Variants in FOXP1 observed in about 807,000 individuals in gnomAD.
FOXP1 encodes forkhead box protein P1.
In FOXP1, 15 loss-of-function variants were observed where a neutral mutation model predicts 98.2. That is an observed-to-expected ratio of 0.15 (90% confidence interval 0.10 to 0.24). FOXP1 has a LOEUF of 0.24. Ranked by LOEUF, FOXP1 falls within the 10% of genes least tolerant of loss-of-function variation. FOXP1 has a pLI of 1.00. For missense variants in FOXP1, 633 were observed against 848.5 expected (o/e 0.75, Z 3.15); for synonymous variants, 371 against 314.5 (o/e 1.18, Z -1.90).
intron 3 of FOXP1, among the ~76,000 whole-genome samples, chr3:71,383,735 C>A (rs2080356200): frequency 6.6e-6 from 1 of 152,112 alleles, no homozygotes; most frequent in Non-Finnish European, 1.5e-5. Flanking sequence ...ACCAGGCCCC[C>A]TTGAACCTGG....
At chr3:71,095,140 A>C (rs1210410757) in intron 7 of FOXP1, among the ~76,000 whole-genome samples, 1 of 152,210 alleles carries the variant, frequency 6.6e-6, no homozygotes, top group African/African-American at 2.4e-5. Context: ...ATCTGTGTAC[A>C]TTTTCAAAAT....
At chr3:70,986,669 G>A (rs1428649142) in intron 14 of FOXP1, among the ~76,000 whole-genome samples, 1 of 152,194 alleles carries the variant, frequency 6.6e-6, no homozygotes, top group South Asian at 2.1e-4. Flanking sequence ...GACTACTGAT[G>A]CCACAACAGT....
At chr3:71,047,163 C>G (rs915458955) in intron 9 of FOXP1, 68 bp from the exon 10 acceptor site, 2 of 1,544,642 alleles carry the variant, frequency 1.3e-6, no homozygotes, top group South Asian at 1.1e-5. Context: ...ATGGACACTT[C>G]AAAACTCACC....
At chr3:71,118,612 T>A (rs1216144603) in intron 6 of FOXP1, among the ~76,000 whole-genome samples, 2 of 152,200 alleles carry the variant, frequency 1.3e-5, no homozygotes, top group Non-Finnish European at 2.9e-5. Context: ...AAAATATGAC[T>A]AACTGGAAAG....
In FOXP1 at chr3:71,507,609, G is replaced by A. The variant is rs138250674; in HGVS notation, c.-297-14054C>T. On this transcript the variant is annotated intron_variant, in intron 2 of 20. Coordinates refer to ENST00000649528, the MANE Select transcript of FOXP1 (RefSeq NM_001349338.3). ...TTTTTTTTTTTTGAGATGGAGTCTC[G>A]CTCTGTCACCGAGGCTGGAGTGCAG... 8.3e-3 allele frequency among the ~76,000 whole-genome samples: 1,249 copies of A among 150,582 alleles called. 11 individuals carry two copies. Among genetic ancestry groups the A allele is most frequent in the Middle Eastern group, 0.017 (5 of 292 alleles).
At chr3:71,273,506 C>A (rs2070592347) in intron 5 of FOXP1, among the ~76,000 whole-genome samples, 1 of 152,206 alleles carries the variant, frequency 6.6e-6, no homozygotes, top group Admixed American at 6.5e-5. Context: ...TTTTCTAGCA[C>A]AAAAGTTGGC....
Position 71,053,760 on chromosome 3 carries a change from A to T in FOXP1, c.296T>A (p.Val99Glu). Residue 99 changes from valine (V) to glutamate (E), a missense_variant, in exon 8 of 21, where the codon GTG becomes GAG. Around this residue, in one of 6 missense-constraint regions of FOXP1, gnomAD observed 210 missense variants for 270.6 expected, o/e 0.78. Coordinates refer to ENST00000649528, the MANE Select transcript of FOXP1 (RefSeq NM_001349338.3). ...KQPALQVPVSVAMMTPQVITP... is the reference protein window; with the variant it reads ...KQPALQVPVSEAMMTPQVITP... ...GATAACTTGAGGTGTCATCATAGCC[A>T]CTGACACGGGAACCTAGAATGTTAA... 6.2e-7 allele frequency: 1 copy of T among 1,614,092 alleles called. No individual in the cohort carries two copies. Among genetic ancestry groups the T allele is most frequent in the Non-Finnish European group, 8.5e-7 (1 of 1,179,978 alleles).
chr3:71,113,862 T>C (rs1575774749), intron 6 of FOXP1, among the ~76,000 whole-genome samples: 1 of 152,232 alleles, frequency 6.6e-6, no homozygotes, highest in South Asian at 2.1e-4. Flanking sequence ...GCCACACACC[T>C]TTCCAAAGAT....
intron 5 of FOXP1, among the ~76,000 whole-genome samples, chr3:71,207,809 G>A (rs543795042): frequency 6.6e-6 from 1 of 152,262 alleles, no homozygotes; most frequent in African/African-American, 2.4e-5. Context: ...CAAAGGCCAG[G>A]CTAATGTTCA....
chr3:71,583,525 G>A (rs1349425565), intron 1 of FOXP1, 46 bp downstream of exon 1: 3 of 983,680 alleles, frequency 3.0e-6, no homozygotes, highest in Admixed American at 6.2e-5. Flanking sequence ...AAGACAGGAG[G>A]CGGCTTGGGA....
intron 5 of FOXP1, among the ~76,000 whole-genome samples, chr3:71,231,018 C>T (rs2066243757): frequency 6.6e-6 from 1 of 152,158 alleles, no homozygotes; most frequent in African/African-American, 2.4e-5. Flanking sequence ...TTTCCCTCCG[C>T]TCTTTAATCA....
chr3:71,173,182 G>A (rs896876126), intron 6 of FOXP1, among the ~76,000 whole-genome samples: 2 of 151,884 alleles, frequency 1.3e-5, no homozygotes, highest in African/African-American at 2.4e-5. Flanking sequence ...TATTGCCTAA[G>A]AAAATGAGTC....
At chr3:71,556,576 C>CAAAAAAAATCAA (rs2046152532) in intron 2 of FOXP1, among the ~76,000 whole-genome samples, 1 of 29,818 alleles carries the variant, frequency 3.4e-5, no homozygotes, top group African/African-American at 1.3e-4. Flanking sequence ...GACTCCGTCT[C>CAAAAAAAATCAA]AAAAAAAAAA....
At chr3:71,392,316 C>T (rs2081093965) in intron 3 of FOXP1, among the ~76,000 whole-genome samples, 1 of 152,156 alleles carries the variant, frequency 6.6e-6, no homozygotes, top group African/African-American at 2.4e-5. Context: ...TTATACTCAG[C>T]ACTGGAAGAG....
intron 7 of FOXP1, among the ~76,000 whole-genome samples, chr3:71,057,749 T>A (rs1440101611): frequency 6.6e-6 from 1 of 152,148 alleles, no homozygotes; most frequent in East Asian, 1.9e-4. Context: ...ACACACGGCA[T>A]GATACACTGT....
chr3:71,370,842 C>T (rs2079257755), intron 3 of FOXP1, among the ~76,000 whole-genome samples: 1 of 143,230 alleles, frequency 7.0e-6, no homozygotes, highest in Non-Finnish European at 1.5e-5. Flanking sequence ...TGCTCTGTGG[C>T]CCAGGATGGA....
chr3:71,080,133 A>ACAGAC (rs1302987751), intron 7 of FOXP1, among the ~76,000 whole-genome samples: 1 of 152,212 alleles, frequency 6.6e-6, no homozygotes, highest in Non-Finnish European at 1.5e-5. Context: ...TTCTGCAGAA[A>ACAGAC]CAGACGTAGC....
chr3:71,244,092 C>T (rs1258926623), intron 5 of FOXP1, among the ~76,000 whole-genome samples: 5 of 152,148 alleles, frequency 3.3e-5, no homozygotes, highest in Non-Finnish European at 5.9e-5. Flanking sequence ...AATACAGTCC[C>T]TCATCAGGGA....
At chr3:71,370,798 GTTT>G (rs71621937) in intron 3 of FOXP1, among the ~76,000 whole-genome samples, 2 of 128,436 alleles carry the variant, frequency 1.6e-5, no homozygotes, top group Admixed American at 8.1e-5. Context: ...TTTTTTTGTT[GTTT>G]TTTTTTTTTT....
Sources: allele counts gnomAD v4.1 joint callset (sites outside exome capture counted in the v4.1 genomes callset), GRCh38; gene constraint gnomAD v4.1.1; regional missense constraint gnomAD v4.1.1; transcripts MANE v1.5; gene names NCBI Gene and HGNC (gene_info 2026-07-23, HGNC 2026-07-21).